Variants in CACNA1E observed in about 807,000 individuals in gnomAD.
CACNA1E encodes the protein calcium voltage-gated channel subunit alpha1 E, also known as voltage-dependent R-type calcium channel subunit alpha-1E.
CACNA1E carries 40 observed loss-of-function variants against 259.2 expected under a neutral mutation model. The ratio of observed to expected loss-of-function variants is 0.15; its 90% CI spans 0.12 to 0.20. The LOEUF (loss-of-function observed/expected upper bound fraction) is 0.20, where lower values mean the gene tolerates loss of function less well. Ranked by LOEUF, CACNA1E falls within the 10% of genes least tolerant of loss-of-function variation. CACNA1E has a pLI of 1.00. For synonymous variants in CACNA1E, 1,104 were observed against 1,138.5 expected (o/e 0.97, Z 0.61); for missense variants, 1,874 against 3,040.1 (o/e 0.62, Z 9.02).
chr1:181,579,848 A>G (rs1194596273), intron 5 of CACNA1E, among the ~76,000 whole-genome samples: 2 of 152,076 alleles, frequency 1.3e-5, no homozygotes, highest in Non-Finnish European at 2.9e-5. Flanking sequence ...GATCCTTCTC[A>G]CCATCTTCTC....
rs530526291 is a variant in CACNA1E at position 181,780,477 on chromosome 1, T to C, written c.5268-950T>C. 2.6e-5 allele frequency among the ~76,000 whole-genome samples: 4 copies of C among 152,238 alleles called. No individual in the cohort carries two copies. The Middle Eastern group carries it at 0.014, about 518-fold the overall frequency. On this transcript the variant is annotated intron_variant, in intron 38 of 47. Transcript: ENST00000367573. ...AGGGAAGCATGGGCTCCCTGGGGCA[T>C]AGCACTGCCCAGGCAGCTGGAAGAT...
At chr1:181,671,112 T>G (rs968486951) in intron 7 of CACNA1E, among the ~76,000 whole-genome samples, 7 of 152,204 alleles carry the variant, frequency 4.6e-5, no homozygotes, top group Non-Finnish European at 1.0e-4. Context: ...TAGCTCACTG[T>G]AGCCTCGACC....
chr1:181,614,797 A>G (rs995272084), intron 6 of CACNA1E, among the ~76,000 whole-genome samples: 1 of 152,202 alleles, frequency 6.6e-6, no homozygotes, highest in African/African-American at 2.4e-5. Context: ...TAATATCTAC[A>G]TATATTTTGT....
chr1:181,399,243 T>A (rs1184303484), intron 1 of CACNA1E, among the ~76,000 whole-genome samples: 3 of 145,626 alleles, frequency 2.1e-5, no homozygotes, highest in African/African-American at 2.5e-5. Context: ...GGAAAAGAGG[T>A]AGAAGGAAAA....
chr1:181,732,646 G>C lies in CACNA1E; in HGVS notation c.2560G>C (p.Gly854Arg), dbSNP rs750125514. ...KFEEERISRG[G>R]SLKGDGGDRS... is the part of the protein sequence containing the mutation. ...CGAGGAGGAGCGCATCAGCCGTGGG[G>C]GGTCCCTCAAGGGGGATGGAGGGGA... The change falls in exon 20 of 48, where the codon GGG (glycine) becomes CGG (arginine). Residue 854 changes from glycine (G) to arginine (R), a missense_variant. Physicochemically the swap from Gly to Arg is moderately radical, Grantham distance 125 (BLOSUM62 -2). Coordinates refer to ENST00000367573, the MANE Select transcript of CACNA1E (RefSeq NM_001205293.3). The surrounding 1 kb of genome is among the most constrained non-coding windows in gnomAD (Gnocchi z 5.5). The C allele has an allele frequency of 4.0e-6, 6 of 1,506,918 alleles. No homozygotes were observed. The Admixed American group carries it at 1.2e-4, about 30-fold the overall frequency. 93.3% of individuals were successfully genotyped at this position (1,506,918 alleles called of 1,614,324 possible).
rs1662008543 is a variant in CACNA1E, at chr1:181,798,452, A to G, written c.6560A>G (p.Asp2187Gly). The stretch of plus-strand genomic sequence containing the variant: ...GCGGGCAGCATCTCTCCACCTGCTG[A>G]TGGAAGCGAGGAGGGCTCCCCGCTG... Reference protein sequence around the residue: ...RHAGSISPPADGSEEGSPLTS... With the variant: ...RHAGSISPPAGGSEEGSPLTS... The change falls in exon 48 of 48, where the codon GAT becomes GGT. Residue 2187 changes from aspartate (D) to glycine (G), a missense_variant. Physicochemically the swap from Asp to Gly is moderately conservative, Grantham distance 94. Around this residue, in one of 14 missense-constraint regions of CACNA1E, gnomAD observed 542 missense variants for 587.2 expected, o/e 0.92. Transcript: ENST00000367573. This position sits in a 1 kb window ranked among gnomAD's most constrained non-coding sequence, Gnocchi z 4.2. 3 of 1,613,678 alleles carry G rather than the reference A, an allele frequency of 1.9e-6. No homozygotes were observed. The African/African-American group carries it at 4.0e-5, about 22-fold the overall frequency.
chr1:181,609,982 G>C (rs1269257424), intron 6 of CACNA1E, among the ~76,000 whole-genome samples: 1 of 152,152 alleles, frequency 6.6e-6, no homozygotes, highest in East Asian at 1.9e-4. Context: ...ATCTTCCTCT[G>C]TCTCCCCATC....
intron 3 of CACNA1E, among the ~76,000 whole-genome samples, chr1:181,523,910 T>C (rs897723442): frequency 5.9e-5 from 9 of 152,328 alleles, no homozygotes; most frequent in Non-Finnish European, 1.3e-4. Context: ...GCTTCACTCG[T>C]GAACAGAACA....
intron 1 of CACNA1E, among the ~76,000 whole-genome samples, chr1:181,501,186 G>A (rs191878550): frequency 2.6e-5 from 4 of 152,312 alleles, no homozygotes; most frequent in East Asian, 1.9e-4. Context: ...GAATGACAGC[G>A]TTTTGAGTCC....
chr1:181,456,935 T>A (rs989665263), intron 2 of CACNA1E, among the ~76,000 whole-genome samples: 15 of 152,228 alleles, frequency 9.9e-5, no homozygotes, highest in African/African-American at 3.4e-4. Context: ...GTAATTTTAA[T>A]CTTTAAGACT....
intron 6 of CACNA1E, among the ~76,000 whole-genome samples, chr1:181,649,905 T>C (rs1217141376): frequency 6.6e-6 from 1 of 152,230 alleles, no homozygotes; most frequent in East Asian, 1.9e-4. Flanking sequence ...TATTGGGTAC[T>C]AGGCTTAATA....
At position 181,801,188 on chromosome 1, in the gene CACNA1E, G is replaced by A. The variant is rs907341335; in HGVS notation, c.*2354G>A. 4 of 152,756 alleles carry A rather than the reference G, an allele frequency of 2.6e-5. No homozygotes were observed. The highest frequency in any genetic ancestry group is 1.9e-4 in the East Asian group (1 of 5,182). 9.5% of individuals were successfully genotyped at this position (152,756 alleles called of 1,614,324 possible). ...CCTAGGGGGAGGCCTACAACAGGAC[G>A]ACCATTCTGAGCCAGTGAGTCTATT... On this transcript the variant is annotated 3_prime_UTR_variant, in exon 48 of 48. Coordinates refer to ENST00000367573, the MANE Select transcript of CACNA1E (RefSeq NM_001205293.3).
At chr1:181,496,763 A>G (rs1486587172) in intron 1 of CACNA1E, among the ~76,000 whole-genome samples, 1 of 152,234 alleles carries the variant, frequency 6.6e-6, no homozygotes, top group Non-Finnish European at 1.5e-5. Context: ...TCCGGAAACC[A>G]GACAGAGCAC....
At chr1:181,596,349 G>A (rs1285783728) in intron 6 of CACNA1E, among the ~76,000 whole-genome samples, 1 of 152,176 alleles carries the variant, frequency 6.6e-6, no homozygotes, top group East Asian at 1.9e-4. Flanking sequence ...AAAGCCTACA[G>A]TTACCTACCG....
At chr1:181,433,990 A>G (rs1463913098) in intron 2 of CACNA1E, among the ~76,000 whole-genome samples, 1 of 152,208 alleles carries the variant, frequency 6.6e-6, no homozygotes, top group Non-Finnish European at 1.5e-5. Flanking sequence ...CTCAGCAAGC[A>G]CTGGAGACCG....
chr1:181,730,260 A>C (rs906921647), intron 18 of CACNA1E, among the ~76,000 whole-genome samples: 1 of 152,220 alleles, frequency 6.6e-6, no homozygotes, highest in Non-Finnish European at 1.5e-5. Context: ...CCAACATCCC[A>C]GGTCCAAGCA....
At chr1:181,483,167 C>G (rs1663441539), upstream of CACNA1E, 1 of 152,248 alleles carries the variant, frequency 6.6e-6, no homozygotes, top group Non-Finnish European at 1.5e-5. Context: ...GATGGACTTG[C>G]AGGGGCTGGC....
In CACNA1E at chr1:181,798,703, C is replaced by T; in HGVS notation, c.6811C>T (p.Pro2271Ser). The T allele has an allele frequency of 6.2e-6, 10 of 1,609,130 alleles. No individual in the cohort carries two copies. Among genetic ancestry groups the T allele is most frequent in the Non-Finnish European group, 8.5e-6 (10 of 1,176,982 alleles). Reference sequence around the variant, plus strand: ...TTCCAACACCATCGGCTCAGCCCCACCCCTGCGGCATAGCTGGCAGATGCC... The same window carrying T: ...TTCCAACACCATCGGCTCAGCCCCATCCCTGCGGCATAGCTGGCAGATGCC... ...GRSNTIGSAP[P>S]LRHSWQMPNG... The change falls in exon 48 of 48, where the codon CCC (proline) becomes TCC (serine). Residue 2271 changes from proline (P) to serine (S), a missense_variant. By Grantham distance (74) the Pro-to-Ser change is moderately conservative. Transcript: ENST00000367573. This position sits in a 1 kb window ranked among gnomAD's most constrained non-coding sequence, Gnocchi z 4.2.
chr1:181,590,437 T>TATATA (rs1558159851), intron 6 of CACNA1E, among the ~76,000 whole-genome samples: 1 of 143,418 alleles, frequency 7.0e-6, no homozygotes, highest in African/African-American at 2.8e-5. Flanking sequence ...ATATATATAT[T>TATATA]GTATTTGACT....
Sources: allele counts gnomAD v4.1 joint callset (sites outside exome capture counted in the v4.1 genomes callset), GRCh38; gene constraint gnomAD v4.1.1; regional missense constraint gnomAD v4.1.1; non-coding constraint Gnocchi (gnomAD v3.1); transcripts MANE v1.5; gene names NCBI Gene and HGNC (gene_info 2026-07-23, HGNC 2026-07-21).